CCNY: variants seen among roughly 807,000 people sequenced by gnomAD.
CCNY encodes the protein cyclin Y.
CCNY carries 19 observed loss-of-function variants against 42.8 expected under a neutral mutation model. The ratio of observed to expected loss-of-function variants is 0.44; its 90% CI spans 0.31 to 0.65. CCNY has a LOEUF of 0.65. Among genes scored for constraint, CCNY ranks in the 30% least tolerant of loss-of-function variants. The pLI is 0.07. For synonymous variants in CCNY, 165 were observed against 162.7 expected (o/e 1.01, Z -0.11); for missense variants, 370 against 437.3 (o/e 0.85, Z 1.37).
chr10:35,519,493 C>A (rs1360551476), intron 4 of CCNY, among the ~76,000 whole-genome samples: 1 of 152,056 alleles, frequency 6.6e-6, no homozygotes, highest in Non-Finnish European at 1.5e-5. Context: ...GATTTTTAAA[C>A]CTCCCCAGGA....
intron 3 of CCNY, among the ~76,000 whole-genome samples, chr10:35,503,890 T>G (rs909225715): frequency 6.6e-6 from 1 of 152,226 alleles, no homozygotes; most frequent in Non-Finnish European, 1.5e-5. Flanking sequence ...AGAGGTTGTT[T>G]AGCTTGCTTA....
chr10:35,283,495 C>T (rs547679396), intron 3 of CCNY, among the ~76,000 whole-genome samples: 8 of 152,112 alleles, frequency 5.3e-5, no homozygotes, highest in Admixed American at 1.3e-4. Context: ...CCTCTGCCTC[C>T]TGGGTTCAAG....
At chr10:35,323,876 G>A (rs1404637714) in intron 3 of CCNY, among the ~76,000 whole-genome samples, 4 of 151,948 alleles carry the variant, frequency 2.6e-5, no homozygotes, top group African/African-American at 9.7e-5. Context: ...AAAATTAGCA[G>A]GGCATGGTGG....
At chr10:35,527,816 G>A (rs772877189) in intron 5 of CCNY, among the ~76,000 whole-genome samples, 5 of 152,078 alleles carry the variant, frequency 3.3e-5, no homozygotes, top group Non-Finnish European at 5.9e-5. Flanking sequence ...CCTTCTCTTC[G>A]CTCTCATACT....
chr10:35,540,529 A>G (rs190749473), intron 7 of CCNY, among the ~76,000 whole-genome samples: 1 of 150,802 alleles, frequency 6.6e-6, no homozygotes, highest in East Asian at 1.9e-4. Context: ...GGGTAATAGT[A>G]GCCTCATAGA....
intron 9 of CCNY, among the ~76,000 whole-genome samples, chr10:35,566,905 G>A (rs942725547): frequency 6.6e-6 from 1 of 151,470 alleles, no homozygotes; most frequent in Non-Finnish European, 1.5e-5. Context: ...AGATGGATGG[G>A]GTTTCATTAT....
chr10:35,425,113 A>G (rs1838238408), intron 1 of CCNY, among the ~76,000 whole-genome samples: 1 of 152,192 alleles, frequency 6.6e-6, no homozygotes, highest in South Asian at 2.1e-4. Flanking sequence ...CACGGGAGAC[A>G]CACACTGTTC....
At chr10:35,254,630 C>T (rs762138128) in intron 3 of CCNY, among the ~76,000 whole-genome samples, 1 of 151,772 alleles carries the variant, frequency 6.6e-6, no homozygotes, top group Non-Finnish European at 1.5e-5. Context: ...AGTTCAAGAC[C>T]AGCCTGGACA....
In CCNY at chr10:35,539,477, G is replaced by T. The variant is rs192854333; in HGVS notation, c.579+9234G>T. 7.6e-3 allele frequency among the ~76,000 whole-genome samples: 1,162 copies of T among 152,194 alleles called. 13 individuals are homozygous for T. Among genetic ancestry groups the T allele is most frequent in the African/African-American group, 0.027 (1,111 of 41,542 alleles). The stretch of plus-strand genomic sequence containing the variant: ...TCTATAGTTTTCAGTATACAAATCT[G>T]ACACTTCTTTTGTTAAATTTATTCC... On this transcript the variant is annotated intron_variant, in intron 7 of 9. Coordinates refer to ENST00000374704, the MANE Select transcript of CCNY (RefSeq NM_145012.6).
At chr10:35,569,001 A>G in intron 9 of CCNY, 53 bp from the exon 10 acceptor site, 5 of 1,185,238 alleles carry the variant, frequency 4.2e-6, no homozygotes, top group Non-Finnish European at 6.3e-6. Context: ...ACGAGTGAGC[A>G]ATGGACGCAG....
intron 7 of CCNY, among the ~76,000 whole-genome samples, chr10:35,538,885 T>G (rs1840940309): frequency 6.6e-6 from 1 of 152,240 alleles, no homozygotes; most frequent in South Asian, 2.1e-4. Flanking sequence ...TTTACCCCTA[T>G]ATCTTCCTTT....
intron 1 of CCNY, among the ~76,000 whole-genome samples, chr10:35,454,918 G>T (rs1322050590): frequency 6.6e-6 from 1 of 152,214 alleles, no homozygotes; most frequent in Non-Finnish European, 1.5e-5. Context: ...AATGGAAAGA[G>T]ATTTTGCCTA....
At chr10:35,422,257 G>A (rs1838175305) in intron 1 of CCNY, among the ~76,000 whole-genome samples, 1 of 151,986 alleles carries the variant, frequency 6.6e-6, no homozygotes, top group African/African-American at 2.4e-5. Flanking sequence ...TCAGCTGTCT[G>A]GAATCTTCTA....
chr10:35,344,083 A>G (rs1278214492), intron 1 of CCNY, among the ~76,000 whole-genome samples: 1 of 152,166 alleles, frequency 6.6e-6, no homozygotes, highest in Non-Finnish European at 1.5e-5. Flanking sequence ...AGCATTTCTC[A>G]TCCTCTTCAG....
chr10:35,416,778 C>T (rs1177342601), intron 1 of CCNY, among the ~76,000 whole-genome samples: 1 of 152,132 alleles, frequency 6.6e-6, no homozygotes, highest in South Asian at 2.1e-4. Context: ...CTTTTGTGGC[C>T]CTGTTGCCCT....
intron 1 of CCNY, among the ~76,000 whole-genome samples, chr10:35,482,318 C>G (rs1189767216): frequency 6.6e-6 from 1 of 152,124 alleles, no homozygotes; most frequent in Non-Finnish European, 1.5e-5. Flanking sequence ...ATAATTGAAC[C>G]CAAGAAGTTT....
At position 35,515,650 on chromosome 10, in the gene CCNY, C is replaced by T. The variant is rs547540416; in HGVS notation, c.265-873C>T. On this transcript the variant is annotated intron_variant, in intron 3 of 9. Coordinates refer to ENST00000374704, the MANE Select transcript of CCNY (RefSeq NM_145012.6). ...TAGACATTCAACATAGCATCAGGCA[C>T]GTGGAAACTTGTTTGCATAATTTAA... Among the ~76,000 whole-genome samples the T allele has an allele frequency of 2.3e-3, 353 of 152,270 alleles. 2 individuals are homozygous for T. The highest frequency in any genetic ancestry group is 8.0e-3 in the African/African-American group (333 of 41,544).
In CCNY at chr10:35,557,351, A is replaced by G. The variant is rs562001529; in HGVS notation, c.746+4166A>G. Among the ~76,000 whole-genome samples, 3 of 152,260 alleles carry G rather than the reference A, an allele frequency of 2.0e-5. No homozygotes were observed. The East Asian group carries it at 5.8e-4, about 29-fold the overall frequency. On this transcript the variant is annotated intron_variant, in intron 8 of 9. Transcript: ENST00000374704. ...CTCTTCTTCAAAATTCTCCATATCA[A>G]AAATGTACATTTAAGTCAAAATTGC...
At chr10:35,420,741 C>T (rs1357803475) in intron 1 of CCNY, among the ~76,000 whole-genome samples, 1 of 152,104 alleles carries the variant, frequency 6.6e-6, no homozygotes, top group East Asian at 1.9e-4. Flanking sequence ...GTTTTCAAAC[C>T]GCAAAAACAG....
Sources: gnomAD v4.1 joint callset for allele counts (sites outside exome capture counted in the v4.1 genomes callset) on GRCh38, gnomAD v4.1.1 for gene constraint, MANE v1.5 for transcripts, NCBI Gene and HGNC (gene_info 2026-07-23, HGNC 2026-07-21) for gene names.